The following CD99L2 variants were observed in gnomAD, a reference collection of about 807,000 sequenced individuals.
CD99L2 encodes CD99 molecule like 2, also known as CD99 antigen-like protein 2.
Under a neutral mutation model 27.3 loss-of-function variants are expected in CD99L2, and 24 were observed. The ratio of observed to expected loss-of-function variants is 0.88; its 90% CI spans 0.64 to 1.24. The LOEUF (loss-of-function observed/expected upper bound fraction) is 1.24, where lower values mean the gene tolerates loss of function less well. CD99L2 is among the 50% of genes most tolerant of loss of function. The pLI is 0.00. For synonymous variants in CD99L2, 97 were observed against 87.9 expected, an observed-to-expected ratio of 1.10 and a Z score of -0.58; for missense variants, 255 against 221.6, an observed-to-expected ratio of 1.15 and a Z score of -0.96.
At chrX:150,848,927 C>T (rs1220078664) in intron 1 of CD99L2, among the ~76,000 whole-genome samples, 1 of 111,498 alleles carries the variant, frequency 9.0e-6, no homozygotes, top group African/African-American at 3.3e-5. Flanking sequence ...CTGTCGTATG[C>T]TCCTTTAGAC....
intron 2 of CD99L2, among the ~76,000 whole-genome samples, chrX:150,820,264 GAA>G (rs200178216): frequency 4.7e-4 from 40 of 85,258 alleles, no homozygotes; most frequent in Admixed American, 6.5e-4. Flanking sequence ...AATGGAAGGA[GAA>G]AAAAAAAAAA....
At chrX:150,769,217 G>A (rs1190631841) in intron 10 of CD99L2, 116 bp from the exon 11 acceptor site, 4 of 872,606 alleles carry the variant, frequency 4.6e-6, no homozygotes, top group South Asian at 5.3e-5. Context: ...ATCCCCTGGG[G>A]GGCCGCTTAG....
intron 7 of CD99L2, among the ~76,000 whole-genome samples, chrX:150,783,307 CTCTATA>C (rs1189425314): frequency 4.5e-5 from 5 of 111,059 alleles, no homozygotes; most frequent in African/African-American, 1.6e-4. Context: ...ATATCTCTCT[CTCTATA>C]TATATAAAAC....
chrX:150,799,536 C>A (rs1225690420), intron 4 of CD99L2, among the ~76,000 whole-genome samples: 11 of 106,865 alleles, frequency 1.0e-4, no homozygotes, highest in African/African-American at 2.4e-4. Flanking sequence ...AGGAAAAAAA[C>A]CAAAAAAGTG....
chrX:150,789,368 C>T (rs1194813316), intron 7 of CD99L2, among the ~76,000 whole-genome samples: 1 of 111,357 alleles, frequency 9.0e-6, no homozygotes, highest in East Asian at 2.8e-4. Context: ...GTGATCCACC[C>T]GCGTCGGCCT....
chrX:150,892,299 C>T (rs1313118784), intron 1 of CD99L2, among the ~76,000 whole-genome samples: 1 of 109,693 alleles, frequency 9.1e-6, no homozygotes, highest in African/African-American at 3.3e-5. Flanking sequence ...AGCAAAACAC[C>T]AGGTGGGGAA....
At chrX:150,861,115 C>T (rs1557421889) in intron 1 of CD99L2, among the ~76,000 whole-genome samples, 3 of 91,002 alleles carry the variant, frequency 3.3e-5, no homozygotes, top group Non-Finnish European at 6.3e-5. Context: ...GCATTCCAGC[C>T]TGGGTGACAG....
chrX:150,805,683 G>A (rs781898709), intron 4 of CD99L2, among the ~76,000 whole-genome samples: 4 of 111,518 alleles, frequency 3.6e-5, no homozygotes, highest in Admixed American at 9.5e-5. Context: ...ACTATGGTAC[G>A]TCCACACCAT....
In CD99L2 at chrX:150,849,636, C is replaced by T. The variant is rs180724135; in HGVS notation, c.68-18343G>A. ...GGTTGAGGCTGCAGTGAGCCATGAC[C>T]GCACCACTGCGCTCCAGCCTGGGAG... On this transcript the variant is annotated intron_variant, in intron 1 of 10. Transcript: ENST00000370377. Among the ~76,000 whole-genome samples, 464 of 111,606 alleles carry T rather than the reference C, an allele frequency of 4.2e-3. 5 individuals carry two copies. The highest frequency in any genetic ancestry group is 0.014 in the African/African-American group (422 of 30,700).
chrX:150,896,160 G>A (rs937466423), intron 1 of CD99L2, among the ~76,000 whole-genome samples: 2 of 111,779 alleles, frequency 1.8e-5, no homozygotes, highest in African/African-American at 6.5e-5. Context: ...AGAACTTTGG[G>A]AGGCCGAGGC....
At chrX:150,805,004 G>A (rs2045972362) in intron 4 of CD99L2, among the ~76,000 whole-genome samples, 1 of 111,593 alleles carries the variant, frequency 9.0e-6, no homozygotes, top group Non-Finnish European at 1.9e-5. Flanking sequence ...TAGGCAACAT[G>A]GTGAGACCCT....
At chrX:150,835,044 T>C (rs781845114) in intron 1 of CD99L2, among the ~76,000 whole-genome samples, 1 of 111,876 alleles carries the variant, frequency 8.9e-6, no homozygotes, top group East Asian at 2.8e-4. Context: ...AAAGTTGATC[T>C]GACAGAAATA....
chrX:150,845,067 CGTT>C (rs1299843723), intron 1 of CD99L2, among the ~76,000 whole-genome samples: 1 of 112,079 alleles, frequency 8.9e-6, no homozygotes, highest in Admixed American at 9.4e-5. Flanking sequence ...TAAGTCACTT[CGTT>C]GATGAGTTTG....
chrX:150,775,267 G>A lies in CD99L2; in HGVS notation c.655+907C>T, dbSNP rs1237180343. 3.6e-5 allele frequency among the ~76,000 whole-genome samples: 4 copies of A among 111,992 alleles called. No individual in the cohort carries two copies. The East Asian group carries it at 1.1e-3, about 31-fold the overall frequency. On this transcript the variant is annotated intron_variant, in intron 9 of 10. Transcript: ENST00000370377. ...TTGCATCAAAGGGGCCGGGGAAGGA[G>A]TGGAAAGAGACAAGCTACAGCTGAG...
At chrX:150,879,404 T>G (rs72612726) in intron 1 of CD99L2, among the ~76,000 whole-genome samples, 3,246 of 111,270 alleles carry the variant, frequency 0.029, 59 homozygotes, top group East Asian at 0.098. Context: ...AAGTGTTGAA[T>G]TTGACCAATA....
At chrX:150,829,701 G>T in intron 2 of CD99L2, 1 of 220,338 alleles carries the variant, frequency 4.5e-6, no homozygotes, top group Non-Finnish European at 8.4e-6. Context: ...CAAAAAAAAA[G>T]ACCAAACAAT....
intron 4 of CD99L2, among the ~76,000 whole-genome samples, chrX:150,798,209 AAAGGAAGGAAGG>A (rs1181934089): frequency 6.6e-5 from 1 of 15,144 alleles, no homozygotes. Flanking sequence ...GGGAGGGAGG[AAAGGAAGGAAGG>A]AAGGAAGGAA....
intron 2 of CD99L2, among the ~76,000 whole-genome samples, chrX:150,826,565 A>G (rs1557420928): frequency 8.9e-6 from 1 of 111,998 alleles, no homozygotes; most frequent in Non-Finnish European, 1.9e-5. Context: ...GAAAGAGATT[A>G]GTGGTTGCTT....
chrX:150,841,112 C>A (rs2046616685), intron 1 of CD99L2, among the ~76,000 whole-genome samples: 1 of 111,930 alleles, frequency 8.9e-6, no homozygotes, highest in African/African-American at 3.3e-5. Flanking sequence ...ATGCTTACAA[C>A]AGGAAAAAGA....
Sources: gnomAD v4.1 joint callset for allele counts (sites outside exome capture counted in the v4.1 genomes callset) on GRCh38, gnomAD v4.1.1 for gene constraint, MANE v1.5 for transcripts, NCBI Gene and HGNC (gene_info 2026-07-23, HGNC 2026-07-21) for gene names.